Variants in STARD13 observed in about 807,000 individuals in gnomAD.
STARD13 encodes StAR related lipid transfer domain containing 13.
Under a neutral mutation model 106.4 loss-of-function variants are expected in STARD13, and 62 were observed. The observed-to-expected ratio is 0.58, with a 90% CI of 0.48 to 0.72. The LOEUF (loss-of-function observed/expected upper bound fraction) is 0.72, where lower values mean the gene tolerates loss of function less well. STARD13 is among the 30% of genes least tolerant of loss of function. The probability of loss-of-function intolerance (pLI) is 0.00; values close to 1 mark genes in which losing one functional copy is unlikely to be tolerated. For synonymous variants in STARD13, 565 were observed against 553.0 expected, an observed-to-expected ratio of 1.02 and a Z score of -0.31; for missense variants, 1,387 against 1,424.0, an observed-to-expected ratio of 0.97 and a Z score of 0.42.
the STARD13 span, among the ~76,000 whole-genome samples, chr13:33,428,430 C>T: frequency 3.3e-5 from 5 of 152,050 alleles, no homozygotes; most frequent in African/African-American, 7.2e-5. Flanking sequence ...TCCGAAAAGA[C>T]GTTAATATTA....
rs1450227298 is a variant in STARD13 at position 33,130,515 on chromosome 13, C to G, written c.388-226G>C. ...AGAGGACCCTTCTCAACTTGCCAAA[C>G]TTTCTTCCTTCCCATTTTCAAAGAG... On this transcript the variant is annotated intron_variant, in intron 4 of 13. Transcript: ENST00000336934. The surrounding 1 kb of genome is among the most constrained non-coding windows in gnomAD (Gnocchi z 4.1). Among the ~76,000 whole-genome samples the G allele has an allele frequency of 6.6e-6, 1 of 152,192 alleles. No homozygotes were observed. The highest frequency in any genetic ancestry group is 2.1e-4 in the South Asian group (1 of 4,818).
chr13:33,382,091 C>G, the STARD13 span, among the ~76,000 whole-genome samples: 1 of 152,206 alleles, frequency 6.6e-6, no homozygotes, highest in African/African-American at 2.4e-5. Flanking sequence ...ACGCTGCCAT[C>G]ATAAACGAAG....
chr13:33,642,695 G>A, the STARD13 span, among the ~76,000 whole-genome samples: 1 of 152,108 alleles, frequency 6.6e-6, no homozygotes, highest in Non-Finnish European at 1.5e-5. Context: ...AGTAAATGGC[G>A]CAGGTGGGAT....
At chr13:33,196,431 C>G (rs1566066539) in intron 1 of STARD13, among the ~76,000 whole-genome samples, 1 of 152,038 alleles carries the variant, frequency 6.6e-6, no homozygotes, top group African/African-American at 2.4e-5. Context: ...TTTAAAGAAA[C>G]AAATTGTTAT....
the STARD13 span, among the ~76,000 whole-genome samples, chr13:33,435,418 A>G: frequency 3.3e-5 from 5 of 152,156 alleles, no homozygotes; most frequent in Non-Finnish European, 2.9e-5. Context: ...TAGATTTATA[A>G]AGCTCTTAAG....
intron 1 of STARD13, among the ~76,000 whole-genome samples, chr13:33,241,821 C>A (rs188190697): frequency 6.6e-6 from 1 of 152,190 alleles, no homozygotes; most frequent in African/African-American, 2.4e-5. Context: ...GGATGGCAGA[C>A]GGAGTCGCGC....
intron 1 of STARD13, among the ~76,000 whole-genome samples, chr13:33,328,488 A>G (rs1163374919): frequency 6.6e-6 from 1 of 152,180 alleles, no homozygotes; most frequent in African/African-American, 2.4e-5. Flanking sequence ...ACTGCTAACT[A>G]TTGTCGGTTT....
chr13:33,352,607 C>G (rs967263072), upstream of STARD13, among the ~76,000 whole-genome samples: 8 of 152,272 alleles, frequency 5.3e-5, no homozygotes, highest in Non-Finnish European at 8.8e-5. Context: ...GTTGGATGGC[C>G]CATGAATTGA....
the STARD13 span, among the ~76,000 whole-genome samples, chr13:33,582,272 T>C: frequency 6.6e-6 from 1 of 152,180 alleles, no homozygotes; most frequent in African/African-American, 2.4e-5. Context: ...TGCCCAAGTT[T>C]ACACAGCTGT....
intron 1 of STARD13, among the ~76,000 whole-genome samples, chr13:33,300,687 T>C (rs1892675853): frequency 6.6e-6 from 1 of 152,252 alleles, no homozygotes; most frequent in Admixed American, 6.5e-5. Context: ...AAATTTGCCT[T>C]CTATTTGTTT....
the STARD13 span, among the ~76,000 whole-genome samples, chr13:33,642,932 G>T: frequency 1.5e-3 from 223 of 151,850 alleles, 1 homozygote; most frequent in Middle Eastern, 6.9e-3. Flanking sequence ...AGAGGTCAGG[G>T]TGAACTCATA....
chr13:33,129,339 G>A lies in STARD13; in HGVS notation c.1338C>T (p.Leu446=). The A allele has an allele frequency of 1.2e-6, 2 of 1,614,162 alleles. No homozygotes were observed. Among genetic ancestry groups the A allele is most frequent in the Non-Finnish European group, 1.7e-6 (2 of 1,180,038 alleles). ...EQVPGAREPR[L]MASCHRASRV... is the part of the protein sequence containing the mutation. ...GGCTGGCTCTGTGGCAGGACGCCATGAGCCGGGGCTCCCTGGCACCAGGGA... is the reference window on the plus strand; with the variant it reads ...GGCTGGCTCTGTGGCAGGACGCCATAAGCCGGGGCTCCCTGGCACCAGGGA... Residue 446 remains leucine (L), a synonymous_variant, in exon 5 of 14, where the codon CTC becomes CTT. Coordinates refer to ENST00000336934, the MANE Select transcript of STARD13 (RefSeq NM_178006.4).
chr13:33,596,692 C>T, the STARD13 span, among the ~76,000 whole-genome samples: 1 of 152,162 alleles, frequency 6.6e-6, no homozygotes, highest in African/African-American at 2.4e-5. Flanking sequence ...CTCTTCATTC[C>T]CTGACCCTTC....
chr13:33,497,646 A>G, the STARD13 span, among the ~76,000 whole-genome samples: 2 of 152,088 alleles, frequency 1.3e-5, no homozygotes, highest in Non-Finnish European at 2.9e-5. Context: ...TGTTTATTCT[A>G]TCTACTATCT....
chr13:33,593,815 G>T, the STARD13 span, among the ~76,000 whole-genome samples: 2 of 152,078 alleles, frequency 1.3e-5, no homozygotes, highest in Non-Finnish European at 2.9e-5. Context: ...CTCTAGAGAT[G>T]GGATCAGTCC....
At chr13:33,408,019 G>A in the STARD13 span, among the ~76,000 whole-genome samples, 8 of 152,120 alleles carry the variant, frequency 5.3e-5, no homozygotes, top group Admixed American at 3.3e-4. Flanking sequence ...CCTGGCTGTC[G>A]TTTCTTGTGG....
At chr13:33,265,290 C>T (rs1334846275) in intron 1 of STARD13, among the ~76,000 whole-genome samples, 4 of 151,976 alleles carry the variant, frequency 2.6e-5, no homozygotes, top group African/African-American at 9.7e-5. Context: ...CAAATATGTG[C>T]AATTTCCTAC....
At chr13:33,333,234 A>G (rs1308878656) in intron 1 of STARD13, among the ~76,000 whole-genome samples, 1 of 152,082 alleles carries the variant, frequency 6.6e-6, no homozygotes, top group Non-Finnish European at 1.5e-5. Context: ...TACTAAAAAT[A>G]CAAAAATTAG....
intron 1 of STARD13, among the ~76,000 whole-genome samples, chr13:33,212,220 C>T (rs1404956901): frequency 6.6e-6 from 1 of 152,136 alleles, no homozygotes; most frequent in Non-Finnish European, 1.5e-5. Flanking sequence ...AATAGCTTTA[C>T]ATCCCGAGCA....
Sources: gnomAD v4.1 joint callset for allele counts (sites outside exome capture counted in the v4.1 genomes callset) on GRCh38, gnomAD v4.1.1 for gene constraint, Gnocchi (gnomAD v3.1) non-coding constraint, MANE v1.5 for transcripts, NCBI Gene and HGNC (gene_info 2026-07-23, HGNC 2026-07-21) for gene names.